Variants in NAV2 observed in about 807,000 individuals in gnomAD.
The protein encoded by NAV2 is helicase, APC down-regulated 1.
A neutral mutation model predicts 223.2 loss-of-function variants in NAV2; 54 were observed. The observed-to-expected ratio is 0.24, with a 90% CI of 0.19 to 0.30. The LOEUF (loss-of-function observed/expected upper bound fraction) is 0.30, where lower values mean the gene tolerates loss of function less well. Among genes scored for constraint, NAV2 ranks in the 10% least tolerant of loss-of-function variants. NAV2 has a pLI of 1.00. For missense variants in NAV2, 2,806 were observed against 3,147.5 expected (o/e 0.89, Z 2.60); for synonymous variants, 1,279 against 1,239.3 (o/e 1.03, Z -0.67).
At chr11:19,911,699 G>T (rs1293375676) in intron 6 of NAV2, among the ~76,000 whole-genome samples, 1 of 152,060 alleles carries the variant, frequency 6.6e-6, no homozygotes, top group Non-Finnish European at 1.5e-5. Flanking sequence ...GACCTAGAAT[G>T]CCTACCCAAG....
rs747725609 is a variant in NAV2 at position 19,949,063 on chromosome 11, C to T, written c.2628C>T (p.Thr876=). Residue 876 remains threonine (T), a synonymous_variant, in exon 10 of 38, where the codon ACC becomes ACT. Transcript: ENST00000349880. ...ATGTTCTGAGCAAGAACATCCGGAC[C>T]GATGACATTACAAGCGGGTAAGTAC... ...DGDVLSKNIR[T]DDITSGYMTD... 45 of 1,607,840 alleles carry T rather than the reference C, an allele frequency of 2.8e-5. No individual in the cohort carries two copies. Among genetic ancestry groups the T allele is most frequent in the Middle Eastern group, 3.3e-4 (2 of 6,046 alleles).
chr11:19,502,528 T>A (rs183761842), intron 1 of NAV2: 3 of 152,272 alleles, frequency 2.0e-5, no homozygotes, highest in Admixed American at 2.0e-4. Flanking sequence ...GAATAAGAAG[T>A]CTTGGAGTCC....
At chr11:19,949,433 T>G (rs2047204454) in intron 10 of NAV2, among the ~76,000 whole-genome samples, 1 of 152,242 alleles carries the variant, frequency 6.6e-6, no homozygotes, top group African/African-American at 2.4e-5. Flanking sequence ...GATCTCATCT[T>G]CCTCTCTCCT....
chr11:19,467,535 T>G (rs1852411532), intron 1 of NAV2, among the ~76,000 whole-genome samples: 1 of 152,232 alleles, frequency 6.6e-6, no homozygotes, highest in Non-Finnish European at 1.5e-5. Context: ...TATCACATCC[T>G]GGATGGACAG....
intron 1 of NAV2, among the ~76,000 whole-genome samples, chr11:19,578,209 C>T (rs112204304): frequency 2.3e-3 from 351 of 152,338 alleles, no homozygotes; most frequent in African/African-American, 7.3e-3. Flanking sequence ...GCTCTGCCTG[C>T]GAGCTGGGCT....
At chr11:20,030,311 G>A (rs11025358) in intron 11 of NAV2, among the ~76,000 whole-genome samples, 21,235 of 152,200 alleles carry the variant, frequency 0.14, 1,713 homozygotes, top group Middle Eastern at 0.27. Context: ...TCATTCAAAA[G>A]ATGAAACCTG....
intron 1 of NAV2, among the ~76,000 whole-genome samples, chr11:19,622,565 A>C (rs2047030467): frequency 6.6e-6 from 1 of 152,136 alleles, no homozygotes. Flanking sequence ...TTTATCAGAG[A>C]CTAGGATTGC....
chr11:19,666,070 C>T (rs1336592950), intron 1 of NAV2, among the ~76,000 whole-genome samples: 2 of 152,118 alleles, frequency 1.3e-5, no homozygotes, highest in Non-Finnish European at 2.9e-5. Flanking sequence ...ATTATAAATC[C>T]CTTCTACAAG....
rs1389340077 is a variant in NAV2 at position 19,860,152 on chromosome 11, G to A, written c.439-8773G>A. On this transcript the variant is annotated intron_variant, in intron 3 of 37. Transcript: ENST00000349880. The stretch of plus-strand genomic sequence containing the variant: ...GCGCCCCTCACCTCCCGGACGGGGC[G>A]GCTGGCCAGGCGGGGGGCTGACCCC... Among the ~76,000 whole-genome samples the A allele has an allele frequency of 1.5e-3, 215 of 146,888 alleles. 1 individual carries two copies. Among genetic ancestry groups the A allele is most frequent in the Non-Finnish European group, 2.5e-3 (169 of 66,362 alleles).
intron 1 of NAV2, among the ~76,000 whole-genome samples, chr11:19,823,739 A>G (rs886883433): frequency 1.3e-5 from 2 of 152,164 alleles, no homozygotes; most frequent in African/African-American, 4.8e-5. Flanking sequence ...ACTATCATTT[A>G]TAGTGACGTC....
At chr11:19,644,137 G>T (rs2047750287) in intron 1 of NAV2, among the ~76,000 whole-genome samples, 1 of 152,162 alleles carries the variant, frequency 6.6e-6, no homozygotes, top group South Asian at 2.1e-4. Flanking sequence ...AGGGGGATGG[G>T]GTATGTACAC....
chr11:20,095,413 C>T (rs2061177714), intron 29 of NAV2, among the ~76,000 whole-genome samples: 1 of 152,180 alleles, frequency 6.6e-6, no homozygotes, highest in Non-Finnish European at 1.5e-5. Flanking sequence ...CTGTCTGACA[C>T]ATTTACTTAG....
chr11:19,461,809 T>C (rs1852172435), intron 1 of NAV2, among the ~76,000 whole-genome samples: 2 of 152,308 alleles, frequency 1.3e-5, no homozygotes, highest in Admixed American at 6.5e-5. Flanking sequence ...GAACCTTATA[T>C]CTCGGTTATG....
chr11:19,648,251 C>T (rs1330171087), intron 1 of NAV2, among the ~76,000 whole-genome samples: 1 of 152,082 alleles, frequency 6.6e-6, no homozygotes, highest in African/African-American at 2.4e-5. Flanking sequence ...TATTTTAGGT[C>T]TATTGTTTCT....
In NAV2 at chr11:19,817,058, C is replaced by T. The variant is rs140125424; in HGVS notation, c.268-15426C>T. Reference sequence around the variant, plus strand: ...TCATCTCCCAGGGGAAATCCTTAAACTACCCACCACCCCACTGCTCAGGTT... The same window carrying T: ...TCATCTCCCAGGGGAAATCCTTAAATTACCCACCACCCCACTGCTCAGGTT... On this transcript the variant is annotated intron_variant, in intron 1 of 37. Coordinates refer to ENST00000349880, the MANE Select transcript of NAV2 (RefSeq NM_145117.5). Among the ~76,000 whole-genome samples the T allele has an allele frequency of 7.5e-3, 1,136 of 152,272 alleles. 16 individuals are homozygous for T. The highest frequency in any genetic ancestry group is 0.026 in the African/African-American group (1,077 of 41,552).
At chr11:19,487,427 C>G (rs2042480206) in intron 1 of NAV2, among the ~76,000 whole-genome samples, 1 of 152,168 alleles carries the variant, frequency 6.6e-6, no homozygotes, top group South Asian at 2.1e-4. Context: ...CCCCTATTGA[C>G]TTGCTTCTAA....
chr11:19,697,689 C>T (rs1048293589), intron 1 of NAV2, among the ~76,000 whole-genome samples: 3 of 152,068 alleles, frequency 2.0e-5, no homozygotes, highest in Non-Finnish European at 4.4e-5. Context: ...ATAGTTACCA[C>T]CTGTAACAAC....
At chr11:19,827,013 C>T (rs1020640555) in intron 1 of NAV2, among the ~76,000 whole-genome samples, 5 of 152,110 alleles carry the variant, frequency 3.3e-5, no homozygotes, top group Non-Finnish European at 7.4e-5. Context: ...ATATCACAGG[C>T]TGCTGAGGTT....
intron 1 of NAV2, among the ~76,000 whole-genome samples, chr11:19,694,938 G>A (rs938052142): frequency 6.6e-6 from 1 of 152,190 alleles, no homozygotes; most frequent in African/African-American, 2.4e-5. Flanking sequence ...TCCCTTTCAA[G>A]GTTCCCTTGG....
Sources: gnomAD v4.1 joint callset for allele counts (sites outside exome capture counted in the v4.1 genomes callset) on GRCh38, gnomAD v4.1.1 for gene constraint, MANE v1.5 for transcripts, NCBI Gene and HGNC (gene_info 2026-07-23, HGNC 2026-07-21) for gene names.